CDH13: variants seen among roughly 807,000 people sequenced by gnomAD.
The protein encoded by CDH13 is cadherin-13.
A neutral mutation model predicts 63.8 loss-of-function variants in CDH13; 24 were observed. The observed-to-expected ratio is 0.38, with a 90% CI of 0.27 to 0.53. CDH13 has a LOEUF of 0.53. Ranked by LOEUF, CDH13 falls within the 20% of genes least tolerant of loss-of-function variation. The pLI is 0.85. For missense variants in CDH13, 1,049 were observed against 903.1 expected, an observed-to-expected ratio of 1.16 and a Z score of -2.07; for synonymous variants, 503 against 355.3, an observed-to-expected ratio of 1.42 and a Z score of -4.67.
chr16:82,916,528 C>T (rs1019399327), intron 2 of CDH13, among the ~76,000 whole-genome samples: 6 of 151,642 alleles, frequency 4.0e-5, no homozygotes, highest in Non-Finnish European at 5.9e-5. Context: ...GAGCTGAGAT[C>T]GCGCCACAGC....
intron 2 of CDH13, among the ~76,000 whole-genome samples, chr16:82,928,880 C>T (rs968860098): frequency 6.6e-6 from 1 of 152,162 alleles, no homozygotes; most frequent in African/African-American, 2.4e-5. Flanking sequence ...TATGTCCATT[C>T]TTCTGTGTAT....
chr16:83,296,130 C>A (rs1245162174), intron 5 of CDH13, among the ~76,000 whole-genome samples: 1 of 152,158 alleles, frequency 6.6e-6, no homozygotes, highest in Non-Finnish European at 1.5e-5. Flanking sequence ...TCTTAGCATT[C>A]TTTTCTCAGA....
chr16:82,947,610 C>G (rs188059687), intron 2 of CDH13, among the ~76,000 whole-genome samples: 1 of 152,022 alleles, frequency 6.6e-6, no homozygotes, highest in East Asian at 1.9e-4. Context: ...ACTCTTTATT[C>G]AAGGAGGAAA....
intron 11 of CDH13, among the ~76,000 whole-genome samples, chr16:83,775,245 C>T (rs969543779): frequency 1.3e-5 from 2 of 151,766 alleles, no homozygotes; most frequent in Non-Finnish European, 2.9e-5. Context: ...GATCTTGCAC[C>T]AAGCCTGGGC....
chr16:83,575,516 C>G (rs1905027020), intron 7 of CDH13, among the ~76,000 whole-genome samples: 2 of 152,220 alleles, frequency 1.3e-5, no homozygotes, highest in Admixed American at 1.3e-4. Flanking sequence ...CCTGCTCACA[C>G]CACGTGTCCC....
intron 4 of CDH13, among the ~76,000 whole-genome samples, chr16:83,151,810 A>C (rs1326621705): frequency 6.6e-6 from 1 of 152,136 alleles, no homozygotes; most frequent in Non-Finnish European, 1.5e-5. Context: ...TAAAAATACA[A>C]ATTTAGCTGG....
rs143192926 is a variant in CDH13, at chr16:83,442,151, G to A, written c.782-44326G>A. On this transcript the variant is annotated intron_variant, in intron 6 of 13. Coordinates refer to ENST00000567109, the MANE Select transcript of CDH13 (RefSeq NM_001257.5). ...ACCATGCTCCTCCAATGCCACCTGC[G>A]TCTTAGCTCTGGGTTTATTATTCAC... Among the ~76,000 whole-genome samples, 166 of 152,250 alleles carry A rather than the reference G, an allele frequency of 1.1e-3. 1 individual carries two copies. Among genetic ancestry groups the A allele is most frequent in the East Asian group, 3.9e-3 (20 of 5,168 alleles).
intron 5 of CDH13, among the ~76,000 whole-genome samples, chr16:83,289,830 C>T (rs1181110776): frequency 3.9e-5 from 6 of 152,146 alleles, no homozygotes; most frequent in African/African-American, 1.2e-4. Flanking sequence ...GTAAATGATA[C>T]GTTCTATTTT....
rs77590561 is a variant in CDH13, at chr16:83,796,556, T to A, written c.*1526T>A. Reference sequence around the variant, plus strand: ...TTTTGGAACATATAGAATGCAGAGATTTTTTTTTCCATTAAAATAAATGGG... The same window carrying A: ...TTTTGGAACATATAGAATGCAGAGAATTTTTTTTCCATTAAAATAAATGGG... On this transcript the variant is annotated 3_prime_UTR_variant, in exon 14 of 14. Transcript: ENST00000567109. 2 of 151,628 alleles carry A rather than the reference T, an allele frequency of 1.3e-5. No homozygotes were observed. Among genetic ancestry groups the A allele is most frequent in the Non-Finnish European group, 2.9e-5 (2 of 67,944 alleles). 9.4% of individuals were successfully genotyped at this position (151,628 alleles called of 1,614,324 possible).
At chr16:82,989,787 T>G (rs753999486) in intron 2 of CDH13, among the ~76,000 whole-genome samples, 32 of 152,206 alleles carry the variant, frequency 2.1e-4, no homozygotes, top group Non-Finnish European at 8.8e-5. Context: ...AGTGACTCTT[T>G]AACCAGGCAA....
intron 2 of CDH13, among the ~76,000 whole-genome samples, chr16:82,978,366 C>T (rs563737080): frequency 1.3e-5 from 2 of 152,322 alleles, no homozygotes; most frequent in South Asian, 4.1e-4. Flanking sequence ...ATATTAATCA[C>T]CAAGACAACA....
intron 7 of CDH13, among the ~76,000 whole-genome samples, chr16:83,507,762 C>T (rs1168535011): frequency 3.9e-5 from 6 of 152,054 alleles, no homozygotes; most frequent in Admixed American, 3.9e-4. Context: ...AGGGCAGGTG[C>T]GGTGGCTCAT....
At chr16:82,683,808 T>G (rs915600595) in intron 1 of CDH13, among the ~76,000 whole-genome samples, 1 of 152,232 alleles carries the variant, frequency 6.6e-6, no homozygotes, top group Non-Finnish European at 1.5e-5. Flanking sequence ...ATGATATTTT[T>G]TCTATTTTTG....
chr16:82,627,229 C>A, intron 1 of CDH13, 92 bp downstream of exon 1: 3 of 1,094,590 alleles, frequency 2.7e-6, no homozygotes, highest in South Asian at 2.7e-5. Context: ...TTCGGGGGGT[C>A]GGGGCCTCCG....
intron 1 of CDH13, among the ~76,000 whole-genome samples, chr16:82,675,015 CT>C (rs1913734770): frequency 6.6e-6 from 1 of 152,092 alleles, no homozygotes. Flanking sequence ...TAGAATACCC[CT>C]GGATACCTTT....
At chr16:83,274,102 C>A (rs1302801943) in intron 5 of CDH13, among the ~76,000 whole-genome samples, 1 of 152,204 alleles carries the variant, frequency 6.6e-6, no homozygotes, top group African/African-American at 2.4e-5. Flanking sequence ...TCGCCTTCCC[C>A]CAGGCCAGGC....
rs369636110 is a variant in CDH13 at position 82,876,960 on chromosome 16, A to T, written c.157+18487A>T. Among the ~76,000 whole-genome samples, 25 of 152,294 alleles carry T rather than the reference A, an allele frequency of 1.6e-4. No individual in the cohort carries two copies. In the East Asian group the frequency reaches 4.1e-3, roughly 25 times the overall value. On this transcript the variant is annotated intron_variant, in intron 2 of 13. Coordinates refer to ENST00000567109, the MANE Select transcript of CDH13 (RefSeq NM_001257.5). Reference sequence around the variant, plus strand: ...TTAGGCTCCCCCATTTCAAGCATGCACCCAAACAGCTCATATACTATACAG... The same window carrying T: ...TTAGGCTCCCCCATTTCAAGCATGCTCCCAAACAGCTCATATACTATACAG...
intron 10 of CDH13, chr16:83,721,135 T>C (rs1909638322): frequency 1.3e-5 from 2 of 152,254 alleles, no homozygotes; most frequent in South Asian, 4.1e-4. Context: ...CTGCTAGGGT[T>C]GGGTGGCCAC....
chr16:83,487,320 A>G (rs906209650), intron 7 of CDH13, among the ~76,000 whole-genome samples: 1 of 152,180 alleles, frequency 6.6e-6, no homozygotes, highest in East Asian at 1.9e-4. Flanking sequence ...TTTCTGTTTT[A>G]AAAATGCCAA....
Sources: allele counts gnomAD v4.1 joint callset (sites outside exome capture counted in the v4.1 genomes callset), GRCh38; gene constraint gnomAD v4.1.1; transcripts MANE v1.5; gene names NCBI Gene and HGNC (gene_info 2026-07-23, HGNC 2026-07-21).